The following F12 variants were observed in gnomAD, a reference collection of about 807,000 sequenced individuals.
F12 encodes coagulation factor XII.
F12 carries 70 observed loss-of-function variants against 74.8 expected under a neutral mutation model. The observed-to-expected ratio is 0.94, with a 90% CI of 0.77 to 1.14. F12 has a LOEUF of 1.14. Ranked by LOEUF, F12 falls within the 50% of genes most tolerant of loss-of-function variation. The pLI is 0.00. For synonymous variants in F12, 373 were observed against 356.4 expected, an observed-to-expected ratio of 1.05 and a Z score of -0.52; for missense variants, 811 against 835.7, an observed-to-expected ratio of 0.97 and a Z score of 0.36.
rs769873552 is a variant in F12, at chr5:177,404,607, G to C, written c.692C>G (p.Thr231Ser). The C allele has an allele frequency of 1.2e-6, 2 of 1,608,178 alleles. No homozygotes were observed. The highest frequency in any genetic ancestry group is 8.5e-7 in the Non-Finnish European group (1 of 1,179,666). Reference protein sequence around the residue: ...RGLSYRGLARTTLSGAPCQPW... With the variant: ...RGLSYRGLARSTLSGAPCQPW... ...CTGACAGGGCGCACCCGAGAGCGTG[G>C]TCCTGGCCAGGCCGCGGTAGCTGAG... Residue 231 changes from threonine to serine, a missense_variant, in exon 8 of 14, where the codon ACC becomes AGC. Transcript: ENST00000253496.
rs1038318813 is a variant in F12 at position 177,402,394 on chromosome 5, G to A, written c.1746C>T (p.Gly582=). The change falls in exon 14 of 14, where the codon GGC becomes GGT. Residue 582 remains glycine (G), a synonymous_variant. Transcript: ENST00000253496. ...CACAGCCCGATCCCCAGCTGATGAT[G>A]CCTTGCAGGGTGAGCCGGCGCTCTG... ...QAAERRLTLQ[G]IISWGSGCGD... is the part of the protein sequence containing the mutation. 2.5e-6 allele frequency: 4 copies of A among 1,613,494 alleles called. No individual in the cohort carries two copies. Among genetic ancestry groups the A allele is most frequent in the East Asian group, 2.2e-5 (1 of 44,864 alleles).
At chr5:177,407,740 G>A (rs189373622) in intron 2 of F12, among the ~76,000 whole-genome samples, 14 of 151,580 alleles carry the variant, frequency 9.2e-5, no homozygotes, top group Admixed American at 2.0e-4. Flanking sequence ...AGCCAAGATC[G>A]CGCCATTGCA....
At position 177,402,622 on chromosome 5, in the gene F12, G is replaced by T. The variant is rs1480757356; in HGVS notation, c.1608C>A (p.Asp536Glu). The stretch of plus-strand genomic sequence containing the variant: ...CGGGGAGGATGGAGGATCCGTGCAC[G>T]TCCGGGGCTGAGCAGCGCTCCAGGG... ...FLSLERCSAP[D>E]VHGSSILPGM... Residue 536 changes from aspartate (D) to glutamate (E), a missense_variant, in exon 13 of 14, where the codon GAC becomes GAA. Transcript: ENST00000253496. 1.2e-6 allele frequency: 2 copies of T among 1,613,048 alleles called. No individual in the cohort carries two copies. Among genetic ancestry groups the T allele is most frequent in the Non-Finnish European group, 1.7e-6 (2 of 1,180,030 alleles).
At chr5:177,403,012 CCA>C (rs912148749) in intron 12 of F12, 1 of 705,862 alleles carries the variant, frequency 1.4e-6, no homozygotes, top group African/African-American at 1.8e-5. Context: ...AGCCCGGCGC[CCA>C]GAGGGAACCA....
intron 8 of F12, 34 bp from the exon 9 acceptor site, chr5:177,404,447 C>T (rs756104400): frequency 6.2e-7 from 1 of 1,602,170 alleles, no homozygotes; most frequent in East Asian, 2.3e-5. Flanking sequence ...GTTAGAGCGC[C>T]GGGAGCCCGG....
In F12 at chr5:177,404,367, C is replaced by T; in HGVS notation, c.847G>A (p.Asp283Asn). The T allele has an allele frequency of 1.2e-6, 2 of 1,611,868 alleles. No individual in the cohort carries two copies. The highest frequency in any genetic ancestry group is 1.7e-6 in the Non-Finnish European group (2 of 1,179,580). ...TCGCAGTACTCCCAGCTCAGCCGGT[C>T]GCGGTTCAGCACGAAGCACCACGGG... ...IRPWCFVLNR[D>N]RLSWEYCDLA... The change falls in exon 9 of 14, where the codon GAC becomes AAC. Residue 283 changes from aspartate (D) to asparagine (N), a missense_variant. Asp to Asn is a conservative substitution (Grantham distance 23). Coordinates refer to ENST00000253496, the MANE Select transcript of F12 (RefSeq NM_000505.4).
chr5:177,406,355 G>A (rs17876046), intron 2 of F12, among the ~76,000 whole-genome samples: 2 of 152,194 alleles, frequency 1.3e-5, no homozygotes, highest in Non-Finnish European at 2.9e-5. Flanking sequence ...TGGGGGTGGT[G>A]GCAGGTGCCT....
At position 177,402,556 on chromosome 5, in the gene F12, C is replaced by A. The variant is rs764537159; in HGVS notation, c.1674G>T (p.Ala558=). The A allele has an allele frequency of 1.9e-6, 3 of 1,611,236 alleles. No homozygotes were observed. The East Asian group carries it at 6.7e-5, about 36-fold the overall frequency. ...AACCGGGCTAAGAGCTCACCTGGCA[C>A]GCATCGGTGCCGCCCTCGAGGAACC... The part of the protein sequence containing the change: ...CAGFLEGGTD[A]CQGDSGGPLV... The change falls in exon 13 of 14, where the codon GCG becomes GCT. Residue 558 remains alanine (A), a synonymous_variant. Coordinates refer to ENST00000253496, the MANE Select transcript of F12 (RefSeq NM_000505.4).
chr5:177,409,043 T>C lies in F12; in HGVS notation c.115+3A>G. 6.4e-7 allele frequency: 1 copy of C among 1,550,684 alleles called. No individual in the cohort carries two copies. The highest frequency in any genetic ancestry group is 1.2e-5 in the South Asian group (1 of 83,994). ...TCCCGGGAGGAGGAGCCAGGCCACTTACCGACTGTGTGCTCTTCAGCTTTG... is the reference window on the plus strand; with the variant it reads ...TCCCGGGAGGAGGAGCCAGGCCACTCACCGACTGTGTGCTCTTCAGCTTTG... On this transcript the variant is annotated splice_donor_region_variant and intron_variant, in intron 2 of 13. Coordinates refer to ENST00000253496, the MANE Select transcript of F12 (RefSeq NM_000505.4).
In F12 at chr5:177,403,165, G is replaced by T. The variant is rs556173763; in HGVS notation, c.1531+89C>A. The T allele has an allele frequency of 5.1e-6, 8 of 1,565,272 alleles. No homozygotes were observed. In the Admixed American group the frequency reaches 1.4e-4, roughly 26 times the overall value. Reference sequence around the variant, plus strand: ...AGCGCCACCCATTCTGTAGGCACCCGGAACGATACCAAAGTCGCGGGCTTC... The same window carrying T: ...AGCGCCACCCATTCTGTAGGCACCCTGAACGATACCAAAGTCGCGGGCTTC... On this transcript the variant is annotated intron_variant, in intron 12 of 13. Coordinates refer to ENST00000253496, the MANE Select transcript of F12 (RefSeq NM_000505.4).
rs1241419553 is a variant in F12 at position 177,409,057 on chromosome 5, T to C, written c.104A>G (p.Glu35Gly). 1 of 1,551,396 alleles carries C rather than the reference T, an allele frequency of 6.4e-7. No individual in the cohort carries two copies. Among genetic ancestry groups the C allele is most frequent in the Non-Finnish European group, 8.7e-7 (1 of 1,147,038 alleles). The change falls in exon 2 of 14, where the codon GAG becomes GGG. Residue 35 changes from glutamate to glycine, a missense_variant. Transcript: ENST00000253496. ...APKEHKYKAE[E>G]HTVVLTVTGE... ...GCCAGGCCACTTACCGACTGTGTGC[T>C]CTTCAGCTTTGTACTTATGCTCCTT...
Position 177,405,110 on chromosome 5 carries a change from A to G in F12, c.473T>C (p.Val158Ala). ...EIWYRTEQAA[V>A]ARCQCKGPDA... Reference sequence around the variant, plus strand: ...AGGACCCTTGCACTGGCATCTGGCCACAGCTGCTTGCTCAGTTCTATACCA... The same window carrying G: ...AGGACCCTTGCACTGGCATCTGGCCGCAGCTGCTTGCTCAGTTCTATACCA... Residue 158 changes from valine (V) to alanine (A), a missense_variant, in exon 6 of 14, where the codon GTG becomes GCG. By Grantham distance (64) the Val-to-Ala change is moderately conservative (BLOSUM62 0). Coordinates refer to ENST00000253496, the MANE Select transcript of F12 (RefSeq NM_000505.4). 1 of 1,613,780 alleles carries G rather than the reference A, an allele frequency of 6.2e-7. No individual in the cohort carries two copies. The highest frequency in any genetic ancestry group is 1.1e-5 in the South Asian group (1 of 91,092).
chr5:177,403,639 G>T (rs1450772074), intron 10 of F12, 22 bp from the exon 11 acceptor site: 2 of 1,598,124 alleles, frequency 1.3e-6, no homozygotes, highest in African/African-American at 2.7e-5. Flanking sequence ...GTAGGGGAGA[G>T]GCAGCGCTCT....
rs760136384 is a variant in F12 at position 177,403,267 on chromosome 5, G to A, written c.1518C>T (p.Gly506=). Residue 506 remains glycine (G), a synonymous_variant, in exon 12 of 14, where the codon GGC becomes GGT. Coordinates refer to ENST00000253496, the MANE Select transcript of F12 (RefSeq NM_000505.4). ...AGTTGTGCCTACCCTCGAACTGGTG[G>A]CCCCAGCCGGCCACCTGGCAGAGCG... The part of the protein sequence containing the change: ...ETTLCQVAGW[G]HQFEGAEEYA... 1.2e-6 allele frequency: 2 copies of A among 1,600,202 alleles called. No homozygotes were observed. The highest frequency in any genetic ancestry group is 2.2e-5 in the East Asian group (1 of 44,838).
At position 177,404,617 on chromosome 5, in the gene F12, G is replaced by A. The variant is rs1205976732; in HGVS notation, c.682C>T (p.Leu228=). 6.2e-7 allele frequency: 1 copy of A among 1,607,692 alleles called. No individual in the cohort carries two copies. The highest frequency in any genetic ancestry group is 1.7e-5 in the Admixed American group (1 of 59,940). Reference sequence around the variant, plus strand: ...GCACCCGAGAGCGTGGTCCTGGCCAGGCCGCGGTAGCTGAGCCCGCGGCCA... The same window carrying A: ...GCACCCGAGAGCGTGGTCCTGGCCAAGCCGCGGTAGCTGAGCCCGCGGCCA... ...YDGRGLSYRG[L]ARTTLSGAPC... is the part of the protein sequence containing the mutation. Residue 228 remains leucine, a synonymous_variant, in exon 8 of 14, where the codon CTG becomes TTG. Transcript: ENST00000253496.
At position 177,402,523 on chromosome 5, in the gene F12, A is replaced by AG. The variant is rs750442811; in HGVS notation, c.1680+26dup. On this transcript the variant is annotated intron_variant, in intron 13 of 13. Coordinates refer to ENST00000253496, the MANE Select transcript of F12 (RefSeq NM_000505.4). ...GATTTGTGCCTGACGGCCTCGGGGA[A>AG]GGGCGCCAACCGGGCTAAGAGCTCA... is the stretch of plus-strand genomic sequence containing the variant. The AG allele has an allele frequency of 1.5e-5, 24 of 1,605,192 alleles. No individual in the cohort carries two copies. In the African/African-American group the frequency reaches 3.2e-4, roughly 21 times the overall value.
In F12 at chr5:177,409,464, C is replaced by G. The variant is rs774511539; in HGVS notation, c.57+7G>C. ...CCTGGGACAATCCTGGTTCCCACAGCACTCACCGAAAGTGTTGACTCCAAG... is the reference window on the plus strand; with the variant it reads ...CCTGGGACAATCCTGGTTCCCACAGGACTCACCGAAAGTGTTGACTCCAAG... On this transcript the variant is annotated splice_region_variant and intron_variant, in intron 1 of 13. Transcript: ENST00000253496. The G allele has an allele frequency of 6.2e-7, 1 of 1,614,042 alleles. No individual in the cohort carries two copies. Among genetic ancestry groups the G allele is most frequent in the Non-Finnish European group, 8.5e-7 (1 of 1,179,962 alleles).
In F12 at chr5:177,404,355, A is replaced by T; in HGVS notation, c.859T>A (p.Trp287Arg). Residue 287 changes from tryptophan (W) to arginine (R), a missense_variant, in exon 9 of 14, where the codon TGG (tryptophan) becomes AGG (arginine). Coordinates refer to ENST00000253496, the MANE Select transcript of F12 (RefSeq NM_000505.4). Reference sequence around the variant, plus strand: ...CACTGTGCCAGGTCGCAGTACTCCCAGCTCAGCCGGTCGCGGTTCAGCACG... The same window carrying T: ...CACTGTGCCAGGTCGCAGTACTCCCTGCTCAGCCGGTCGCGGTTCAGCACG... ...CFVLNRDRLS[W>R]EYCDLAQCQT... 1 of 1,611,740 alleles carries T rather than the reference A, an allele frequency of 6.2e-7. No individual in the cohort carries two copies. Among genetic ancestry groups the T allele is most frequent in the Admixed American group, 1.7e-5 (1 of 59,880 alleles).
intron 2 of F12, among the ~76,000 whole-genome samples, chr5:177,408,815 T>C (rs2127362399): frequency 6.6e-6 from 1 of 152,344 alleles, no homozygotes; most frequent in African/African-American, 2.4e-5. Context: ...CCAGGTGTGA[T>C]GGCGCCAGCA....
Sources: gnomAD v4.1 joint callset for allele counts (sites outside exome capture counted in the v4.1 genomes callset) on GRCh38, gnomAD v4.1.1 for gene constraint, MANE v1.5 for transcripts, NCBI Gene and HGNC (gene_info 2026-07-23, HGNC 2026-07-21) for gene names.